CCDC157: variants seen among roughly 807,000 people sequenced by gnomAD.
CCDC157 encodes the protein coiled-coil domain containing 157, also known as coiled-coil domain-containing protein 157.
A neutral mutation model predicts 70.9 loss-of-function variants in CCDC157; 60 were observed. That is an observed-to-expected ratio of 0.85 (90% CI 0.69 to 1.05). CCDC157 has a LOEUF of 1.05. Ranked by LOEUF, CCDC157 falls within the 50% of genes least tolerant of loss-of-function variation. The probability of loss-of-function intolerance (pLI) is 0.00; values close to 1 mark genes in which losing one functional copy is unlikely to be tolerated. For synonymous variants in CCDC157, 373 were observed against 422.4 expected, an observed-to-expected ratio of 0.88 and a Z score of 1.43; for missense variants, 943 against 984.2, an observed-to-expected ratio of 0.96 and a Z score of 0.56.
At position 30,376,058 on chromosome 22, in the gene CCDC157, TC is replaced by T. The variant is rs1319938736; in HGVS notation, c.1858-197del. On this transcript the variant is annotated intron_variant, in intron 10 of 11. Transcript: ENST00000338306. ...AAAGAAGCCATGTCAGAAAGAAACC[TC>T]CCCACACTTGCTGCCTGCCCAAGGC... The T allele has an allele frequency of 2.8e-5, 16 of 568,884 alleles. No individual in the cohort carries two copies. The Middle Eastern group carries it at 1.4e-3, about 50-fold the overall frequency. 35.2% of individuals were successfully genotyped at this position (568,884 alleles called of 1,614,324 possible).
rs938697812 is a variant in CCDC157 at position 30,378,446 on chromosome 22, T to A, written c.*1701T>A. The A allele has an allele frequency of 1.1e-5, 2 of 187,564 alleles. No homozygotes were observed. Among genetic ancestry groups the A allele is most frequent in the Non-Finnish European group, 2.3e-5 (2 of 87,538 alleles). 11.6% of individuals were successfully genotyped at this position (187,564 alleles called of 1,614,324 possible). ...GAGTTCGAGACCAGCCTGACCAACA[T>A]GGAGAAACCCCGTCTCTACTAAAAA... On this transcript the variant is annotated 3_prime_UTR_variant, in exon 12 of 12. Coordinates refer to ENST00000338306, the MANE Select transcript of CCDC157 (RefSeq NM_001017437.5).
intron 7 of CCDC157, 177 bp from the exon 8 acceptor site, chr22:30,373,420 C>G: frequency 1.5e-6 from 1 of 663,386 alleles, no homozygotes; most frequent in South Asian, 1.9e-5. Context: ...CTGCCTGCTG[C>G]CAGCTTCCCC....
rs376506786 is a variant in CCDC157, at chr22:30,376,463, C to T, written c.1977C>T (p.Ser659=). 13 of 1,613,848 alleles carry T rather than the reference C, an allele frequency of 8.1e-6. No individual in the cohort carries two copies. The Admixed American group carries it at 1.8e-4, about 23-fold the overall frequency. Residue 659 remains serine, a synonymous_variant, in exon 12 of 12, where the codon AGC becomes AGT. Coordinates refer to ENST00000338306, the MANE Select transcript of CCDC157 (RefSeq NM_001017437.5). ...TGGGCAGACAGCACCTTCCTAGCAG[C>T]AGGACGGGTAGGACCCTGCTGGGCC... is the stretch of plus-strand genomic sequence containing the variant. ...GPLGRQHLPS[S]RTGRTLLGQP...
intron 9 of CCDC157, chr22:30,374,939 G>T: frequency 3.0e-6 from 1 of 330,006 alleles, no homozygotes; most frequent in South Asian, 2.4e-5. Context: ...CTCCTCTCAT[G>T]CTTATTTGCT....
At position 30,377,238 on chromosome 22, in the gene CCDC157, G is replaced by A. The variant is rs1933418528; in HGVS notation, c.*493G>A. ...TCTGGACCTGCGCTGGGCACATTAA[G>A]GACCCAAGAGGTCAGGCCTCCTTTC... On this transcript the variant is annotated 3_prime_UTR_variant, in exon 12 of 12. Coordinates refer to ENST00000338306, the MANE Select transcript of CCDC157 (RefSeq NM_001017437.5). The A allele has an allele frequency of 6.1e-6, 1 of 164,998 alleles. No individual in the cohort carries two copies. The highest frequency in any genetic ancestry group is 1.3e-5 in the Non-Finnish European group (1 of 74,856). The allele number at this position is 164,998 out of a possible 1,614,324, so 10.2% of individuals were successfully genotyped here.
At chr22:30,359,227 G>A (rs568385521) in intron 1 of CCDC157, among the ~76,000 whole-genome samples, 5 of 152,152 alleles carry the variant, frequency 3.3e-5, no homozygotes, top group Admixed American at 6.5e-5. Flanking sequence ...GAATACTTCC[G>A]TGTGTTATTT....
In CCDC157 at chr22:30,370,854, G is replaced by C; in HGVS notation, c.949G>C (p.Ala317Pro). 1 of 1,612,566 alleles carries C rather than the reference G, an allele frequency of 6.2e-7. No individual in the cohort carries two copies. Among genetic ancestry groups the C allele is most frequent in the Non-Finnish European group, 8.5e-7 (1 of 1,180,008 alleles). ...GAAGCAGGCGGGCAAGCTGGAGCAG[G>C]CGCTGAAACAGGAGCAGGGGGCACG... The part of the protein sequence containing the change: ...LRKQAGKLEQ[A>P]LKQEQGARRR... Residue 317 changes from alanine to proline, a missense_variant, in exon 5 of 12, where the codon GCG becomes CCG. Transcript: ENST00000338306.
intron 2 of CCDC157, among the ~76,000 whole-genome samples, chr22:30,362,785 A>T (rs534321627): frequency 6.6e-6 from 1 of 152,140 alleles, no homozygotes; most frequent in Non-Finnish European, 1.5e-5. Context: ...GTCCTGGGAC[A>T]TGGGGGTAGA....
rs749931258 is a variant in CCDC157, at chr22:30,375,674, G to C, written c.1857+11G>C. ...CAGGGTGGCCTCAAGGTGGGCCTGA[G>C]AGGGCGGGCCCTTGGGGACCAGGAG... On this transcript the variant is annotated intron_variant, in intron 10 of 11. Coordinates refer to ENST00000338306, the MANE Select transcript of CCDC157 (RefSeq NM_001017437.5). 2 of 1,607,992 alleles carry C rather than the reference G, an allele frequency of 1.2e-6. No individual in the cohort carries two copies. The highest frequency in any genetic ancestry group is 1.7e-6 in the Non-Finnish European group (2 of 1,176,976).
At chr22:30,374,241 C>CA (rs1226840964) in intron 9 of CCDC157, 150 bp downstream of exon 9, 2 of 872,228 alleles carry the variant, frequency 2.3e-6, no homozygotes, top group Non-Finnish European at 3.5e-6. Flanking sequence ...CCTGTGGACC[C>CA]ACCACAGCAC....
At position 30,365,859 on chromosome 22, in the gene CCDC157, A is replaced by G. The variant is rs144342005; in HGVS notation, c.-11-131A>G. ...AGGCCTTGTCACCTGGGGCTGGGAA[A>G]CAGACTTCTCCCCAGGGTCTGGGGT... On this transcript the variant is annotated intron_variant, in intron 2 of 11. Coordinates refer to ENST00000338306, the MANE Select transcript of CCDC157 (RefSeq NM_001017437.5). 1.5e-4 allele frequency: 136 copies of G among 914,998 alleles called. No homozygotes were observed. In the African/African-American group the frequency reaches 2.1e-3, roughly 14 times the overall value. 56.7% of individuals were successfully genotyped at this position (914,998 alleles called of 1,614,324 possible). A position where few individuals can be genotyped will look rare whatever the true frequency, so the allele number is the denominator to read the frequency against.
chr22:30,358,329 G>A (rs922101109), intron 1 of CCDC157, among the ~76,000 whole-genome samples: 4 of 152,342 alleles, frequency 2.6e-5, no homozygotes, highest in East Asian at 1.9e-4. Flanking sequence ...CATGTGTTAC[G>A]TCATTTATTC....
chr22:30,372,515 G>A lies in CCDC157; in HGVS notation c.1335+229G>A, dbSNP rs368646407. The A allele has an allele frequency of 3.8e-4, 191 of 505,288 alleles. 3 individuals carry two copies. In the South Asian group the frequency reaches 7.3e-3, roughly 19 times the overall value. 31.3% of individuals were successfully genotyped at this position (505,288 alleles called of 1,614,324 possible). A position where few individuals can be genotyped will look rare whatever the true frequency, so the allele number is the denominator to read the frequency against. The stretch of plus-strand genomic sequence containing the variant: ...CAGTGAGGCCTCACTCTGGAAGAGC[G>A]CCCCACAGGCAAAGATGAGCAGGTG... On this transcript the variant is annotated intron_variant, in intron 7 of 11. Transcript: ENST00000338306.
chr22:30,361,571 T>C (rs1325399861), intron 1 of CCDC157, among the ~76,000 whole-genome samples: 3 of 152,208 alleles, frequency 2.0e-5, no homozygotes, highest in Non-Finnish European at 4.4e-5. Flanking sequence ...CTGTGGCTAG[T>C]AGAAAAACCT....
intron 1 of CCDC157, among the ~76,000 whole-genome samples, chr22:30,359,226 C>G (rs1041517878): frequency 6.6e-6 from 1 of 152,204 alleles, no homozygotes; most frequent in Non-Finnish European, 1.5e-5. Flanking sequence ...AGAATACTTC[C>G]GTGTGTTATT....
At chr22:30,374,642 GT>G in intron 9 of CCDC157, 2 of 456,870 alleles carry the variant, frequency 4.4e-6, no homozygotes, top group South Asian at 3.1e-5. Flanking sequence ...AAGATGTGCA[GT>G]TAGCTGCTCG....
chr22:30,360,971 C>A (rs1267627791), intron 1 of CCDC157, among the ~76,000 whole-genome samples: 2 of 152,120 alleles, frequency 1.3e-5, no homozygotes, highest in East Asian at 3.9e-4. Flanking sequence ...CACTTGAACC[C>A]AGGAAGTGGA....
rs532758341 is a variant in CCDC157, at chr22:30,371,979, T to C, written c.1124-96T>C. The C allele has an allele frequency of 4.5e-6, 4 of 895,636 alleles. No homozygotes were observed. The African/African-American group carries it at 6.7e-5, about 15-fold the overall frequency. 55.5% of individuals were successfully genotyped at this position (895,636 alleles called of 1,614,324 possible). On this transcript the variant is annotated intron_variant, in intron 6 of 11. Transcript: ENST00000338306. ...AGCCCCATTTTGTGGCTGAGGACTC[T>C]GAGGCCCAGAGATGGGATGTGAGCT...
chr22:30,376,678 G>A lies in CCDC157; in HGVS notation c.2192G>A (p.Arg731Lys), dbSNP rs1179863166. 6.2e-7 allele frequency: 1 copy of A among 1,613,650 alleles called. No individual in the cohort carries two copies. Among genetic ancestry groups the A allele is most frequent in the Admixed American group, 1.7e-5 (1 of 60,026 alleles). ...CCCATCAAGGTCTTGGTCAGGCTGAGAAAGAGACTGTCACCTGGCCGGGGA... is the reference window on the plus strand; with the variant it reads ...CCCATCAAGGTCTTGGTCAGGCTGAAAAAGAGACTGTCACCTGGCCGGGGA... Reference protein sequence around the residue: ...QNPIKVLVRLRKRLSPGRGQA... With the variant: ...QNPIKVLVRLKKRLSPGRGQA... Residue 731 changes from arginine (R) to lysine (K), a missense_variant, in exon 12 of 12, where the codon AGA (arginine) becomes AAA (lysine). Arg to Lys is a conservative substitution (Grantham distance 26). Coordinates refer to ENST00000338306, the MANE Select transcript of CCDC157 (RefSeq NM_001017437.5).
Sources: gnomAD v4.1 joint callset for allele counts (sites outside exome capture counted in the v4.1 genomes callset) on GRCh38, gnomAD v4.1.1 for gene constraint, MANE v1.5 for transcripts, NCBI Gene and HGNC (gene_info 2026-07-23, HGNC 2026-07-21) for gene names.